The following CLEC16A variants were observed in gnomAD, a reference collection of about 807,000 sequenced individuals.
The protein encoded by CLEC16A is protein CLEC16A.
Under a neutral mutation model 109.5 loss-of-function variants are expected in CLEC16A, and 51 were observed. The observed-to-expected ratio is 0.47, with a 90% confidence interval of 0.37 to 0.59. The LOEUF (loss-of-function observed/expected upper bound fraction) is 0.59, where lower values mean the gene tolerates loss of function less well. CLEC16A is among the 20% of genes least tolerant of loss of function. CLEC16A has a pLI of 0.00. For missense variants in CLEC16A, 1,339 were observed against 1,394.0 expected, an observed-to-expected ratio of 0.96 and a Z score of 0.63; for synonymous variants, 673 against 564.2, an observed-to-expected ratio of 1.19 and a Z score of -2.73.
At chr16:11,007,625 C>T (rs897884322) in intron 11 of CLEC16A, among the ~76,000 whole-genome samples, 1 of 152,194 alleles carries the variant, frequency 6.6e-6, no homozygotes, top group Non-Finnish European at 1.5e-5. Flanking sequence ...GAGCTTTCTA[C>T]GAACCCTGGC....
At chr16:11,108,951 A>C (rs1262848758) in intron 19 of CLEC16A, among the ~76,000 whole-genome samples, 1 of 151,898 alleles carries the variant, frequency 6.6e-6, no homozygotes, top group East Asian at 2.0e-4. Context: ...TCTACTAAAA[A>C]TACAAACAAA....
intron 22 of CLEC16A, among the ~76,000 whole-genome samples, chr16:11,147,049 G>T (rs561201046): frequency 9.8e-5 from 15 of 152,310 alleles, no homozygotes; most frequent in African/African-American, 3.6e-4. Context: ...GTTGACCTGG[G>T]AGGAGGAGGT....
At chr16:11,119,489 C>G (rs1472615799) in intron 19 of CLEC16A, among the ~76,000 whole-genome samples, 1 of 152,148 alleles carries the variant, frequency 6.6e-6, no homozygotes, top group Non-Finnish European at 1.5e-5. Flanking sequence ...ACCCTGGGCT[C>G]AAGCCATCCT....
intron 1 of CLEC16A, among the ~76,000 whole-genome samples, chr16:10,948,227 C>T (rs1172917055): frequency 6.6e-6 from 1 of 152,140 alleles, no homozygotes; most frequent in African/African-American, 2.4e-5. Context: ...TTGAGATTTA[C>T]AGAAAGGTTG....
At position 11,018,748 on chromosome 16, in the gene CLEC16A, C is replaced by CA. The variant is rs56911220; in HGVS notation, c.1304-1428dup. Reference sequence around the variant, plus strand: ...TGGGCGACAGAGCGAGACTCCATCTCAAAAAAAAAAAAAAAAATGGAGACA... The same window carrying CA: ...TGGGCGACAGAGCGAGACTCCATCTCAAAAAAAAAAAAAAAAAATGGAGACA... On this transcript the variant is annotated intron_variant, in intron 11 of 23. Coordinates refer to ENST00000409790, the MANE Select transcript of CLEC16A (RefSeq NM_015226.3). Among the ~76,000 whole-genome samples, 782 of 96,222 alleles carry CA rather than the reference C, an allele frequency of 8.1e-3. 16 individuals are homozygous for CA. Among genetic ancestry groups the CA allele is most frequent in the African/African-American group, 0.029 (657 of 22,814 alleles). The allele number at this position is 96,222 out of a possible 152,430, so 63.1% of individuals were successfully genotyped here. A position where few individuals can be genotyped will look rare whatever the true frequency, so the allele number is the denominator to read the frequency against.
intron 14 of CLEC16A, chr16:11,040,900 GGCAGAGGGGT>G: frequency 6.6e-6 from 1 of 152,286 alleles, no homozygotes; most frequent in Non-Finnish European, 1.5e-5. Flanking sequence ...CAGGGAGGTG[GGCAGAGGGGT>G]GTATCTGCCT....
chr16:11,158,791 A>G (rs969063694), intron 22 of CLEC16A, among the ~76,000 whole-genome samples: 2 of 152,106 alleles, frequency 1.3e-5, no homozygotes, highest in Non-Finnish European at 2.9e-5. Flanking sequence ...ATGGTGGTGC[A>G]TGCCTGTAGT....
At chr16:11,013,864 G>C (rs980393731) in intron 11 of CLEC16A, among the ~76,000 whole-genome samples, 3 of 152,100 alleles carry the variant, frequency 2.0e-5, no homozygotes, top group Admixed American at 2.0e-4. Flanking sequence ...GCTTGAACTT[G>C]GGAGGCAGAA....
At chr16:11,060,468 C>A (rs1283197909) in intron 18 of CLEC16A, among the ~76,000 whole-genome samples, 1 of 152,204 alleles carries the variant, frequency 6.6e-6, no homozygotes, top group African/African-American at 2.4e-5. Context: ...TTCCAGAGCC[C>A]ATGCTGGTTT....
chr16:11,027,980 C>G (rs2046514562), intron 13 of CLEC16A, among the ~76,000 whole-genome samples: 3 of 152,192 alleles, frequency 2.0e-5, no homozygotes. Context: ...GTGGGCAGAT[C>G]ACTTGAGGTT....
chr16:11,058,106 C>T (rs939563213), intron 18 of CLEC16A, among the ~76,000 whole-genome samples: 2 of 152,218 alleles, frequency 1.3e-5, no homozygotes, highest in Non-Finnish European at 2.9e-5. Context: ...CTTATAACCC[C>T]CCTACCCCCA....
At chr16:10,980,758 G>T (rs2043276733) in intron 9 of CLEC16A, among the ~76,000 whole-genome samples, 2 of 152,174 alleles carry the variant, frequency 1.3e-5, no homozygotes, top group Admixed American at 6.5e-5. Context: ...TAAACAACCT[G>T]AAGCCCTGTT....
intron 22 of CLEC16A, among the ~76,000 whole-genome samples, chr16:11,159,417 C>G (rs1195153303): frequency 6.6e-6 from 1 of 152,240 alleles, no homozygotes; most frequent in South Asian, 2.1e-4. Context: ...CAGCCTTGCC[C>G]TGTCTGATTT....
At chr16:10,953,170 A>C (rs1253196867) in intron 1 of CLEC16A, among the ~76,000 whole-genome samples, 1 of 152,248 alleles carries the variant, frequency 6.6e-6, no homozygotes, top group Non-Finnish European at 1.5e-5. Context: ...TATGGTCTTG[A>C]TACAAGGATA....
intron 19 of CLEC16A, among the ~76,000 whole-genome samples, chr16:11,089,775 A>C (rs1337417150): frequency 6.6e-6 from 1 of 152,222 alleles, no homozygotes; most frequent in African/African-American, 2.4e-5. Context: ...ATGATAGGGC[A>C]GCCTACTGAG....
chr16:11,003,449 C>G, intron 11 of CLEC16A, 144 bp downstream of exon 11: 2 of 675,212 alleles, frequency 3.0e-6, no homozygotes, highest in Non-Finnish European at 5.1e-6. Flanking sequence ...ACTGGCGTAC[C>G]TCATTCTATA....
chr16:11,022,870 G>T (rs2046194646), intron 12 of CLEC16A, among the ~76,000 whole-genome samples: 1 of 150,212 alleles, frequency 6.7e-6, no homozygotes, highest in Non-Finnish European at 1.5e-5. Flanking sequence ...CTGCACTCCA[G>T]CCTGGGCAAC....
intron 19 of CLEC16A, among the ~76,000 whole-genome samples, chr16:11,088,130 G>A (rs576621948): frequency 2.8e-4 from 42 of 152,252 alleles, no homozygotes; most frequent in Non-Finnish European, 5.0e-4. Flanking sequence ...CCCTCAGTGC[G>A]GATCACACAT....
At position 10,971,344 on chromosome 16, in the gene CLEC16A, G is replaced by A. The variant is rs1304269909; in HGVS notation, c.598+114G>A. The stretch of plus-strand genomic sequence containing the variant: ...TGTCACGAGGGAGCACATTGATGAT[G>A]AGCCGTGGCAGCTTCTCTCATGAAA... On this transcript the variant is annotated intron_variant, in intron 5 of 23. Transcript: ENST00000409790. 16 of 850,952 alleles carry A rather than the reference G, an allele frequency of 1.9e-5. No individual in the cohort carries two copies. In the East Asian group the frequency reaches 4.6e-4, roughly 24 times the overall value. 52.7% of individuals were successfully genotyped at this position (850,952 alleles called of 1,614,324 possible). A position where few individuals can be genotyped will look rare whatever the true frequency, so the allele number is the denominator to read the frequency against.
Sources: gnomAD v4.1 joint callset for allele counts (sites outside exome capture counted in the v4.1 genomes callset) on GRCh38, gnomAD v4.1.1 for gene constraint, MANE v1.5 for transcripts, NCBI Gene and HGNC (gene_info 2026-07-23, HGNC 2026-07-21) for gene names.